Variants in SKA1 observed in about 807,000 individuals in gnomAD.
SKA1 encodes SKA complex subunit 1.
In SKA1, 20 loss-of-function variants were observed where a neutral mutation model predicts 31.8. The observed-to-expected ratio is 0.63, with a 90% CI of 0.44 to 0.91. SKA1 has a LOEUF of 0.91. Ranked by LOEUF, SKA1 falls within the 40% of genes least tolerant of loss-of-function variation. SKA1 has a pLI of 0.00. For synonymous variants in SKA1, 88 were observed against 100.5 expected (o/e 0.88, Z 0.74); for missense variants, 253 against 298.2 (o/e 0.85, Z 1.12).
rs2041375544 is a variant in SKA1, at chr18:50,393,314, AAAAAG to A, written c.*1072_*1076del. The A allele has an allele frequency of 1.3e-5, 2 of 152,422 alleles. No homozygotes were observed. The highest frequency in any genetic ancestry group is 1.3e-4 in the Admixed American group (2 of 15,294). 9.4% of individuals were successfully genotyped at this position (152,422 alleles called of 1,614,324 possible). The stretch of plus-strand genomic sequence containing the variant: ...AACAGAGCGAGACTCCATCTCAGAA[AAAAAG>A]AAAAAAAGACTGGGTACAGATGTGA... On this transcript the variant is annotated 3_prime_UTR_variant, in exon 7 of 7. Transcript: ENST00000285116.
At chr18:50,384,981 T>C (rs1460021339) in intron 4 of SKA1, among the ~76,000 whole-genome samples, 1 of 151,518 alleles carries the variant, frequency 6.6e-6, no homozygotes, top group Non-Finnish European at 1.5e-5. Context: ...GAAGATATCA[T>C]GTTACACGTA....
intron 2 of SKA1, 149 bp downstream of exon 2, chr18:50,376,067 T>C: frequency 1.8e-6 from 1 of 556,798 alleles, no homozygotes; most frequent in Non-Finnish European, 3.2e-6. Context: ...CAATGTCATT[T>C]TGAATATTGT....
rs1254600761 is a variant in SKA1, at chr18:50,382,227, G to GT, written c.311+2dup. ...CTCAAGTAACAGTAACCCAGAGCTGGTAAGTGTATTTATAATTATTCTTGC... is the reference window on the plus strand; with the variant it reads ...CTCAAGTAACAGTAACCCAGAGCTGGTTAAGTGTATTTATAATTATTCTTGC... On this transcript the variant is annotated splice_donor_variant, in intron 4 of 6. Coordinates refer to ENST00000285116, the MANE Select transcript of SKA1 (RefSeq NM_145060.4). LOFTEE classifies it high-confidence loss of function. 1 of 1,473,030 alleles carries GT rather than the reference G, an allele frequency of 6.8e-7. No individual in the cohort carries two copies. The highest frequency in any genetic ancestry group is 9.1e-7 in the Non-Finnish European group (1 of 1,104,392). 91.2% of individuals were successfully genotyped at this position (1,473,030 alleles called of 1,614,324 possible). A position where few individuals can be genotyped will look rare whatever the true frequency, so the allele number is the denominator to read the frequency against.
Position 50,392,602 on chromosome 18 carries a change from C to G in SKA1, c.*355C>G, listed in dbSNP as rs1451816477. On this transcript the variant is annotated 3_prime_UTR_variant, in exon 7 of 7. Coordinates refer to ENST00000285116, the MANE Select transcript of SKA1 (RefSeq NM_145060.4). ...TAGGCTGGTCTTGAGCTCCTGAGCTCAAACAATCCACCCTCCTCAGCCTCC... is the reference window on the plus strand; with the variant it reads ...TAGGCTGGTCTTGAGCTCCTGAGCTGAAACAATCCACCCTCCTCAGCCTCC... 1 of 159,172 alleles carries G rather than the reference C, an allele frequency of 6.3e-6. No homozygotes were observed. Among genetic ancestry groups the G allele is most frequent in the African/African-American group, 2.4e-5 (1 of 41,692 alleles). The allele number at this position is 159,172 out of a possible 1,614,324, so 9.9% of individuals were successfully genotyped here. A position where few individuals can be genotyped will look rare whatever the true frequency, so the allele number is the denominator to read the frequency against.
At position 50,390,811 on chromosome 18, in the gene SKA1, TTAAA is replaced by T. The variant is rs534579360; in HGVS notation, c.450-308_450-305del. 4.0e-3 allele frequency among the ~76,000 whole-genome samples: 615 copies of T among 152,366 alleles called. 7 individuals carry two copies. The highest frequency in any genetic ancestry group is 0.013 in the African/African-American group (526 of 41,586). ...TTCCTTTGCTCACATTTAAAACTGTTTAAATAAACTGATATGTTGCAGTTAATCA... is the reference window on the plus strand; with the variant it reads ...TTCCTTTGCTCACATTTAAAACTGTTTAAACTGATATGTTGCAGTTAATCA... On this transcript the variant is annotated intron_variant, in intron 5 of 6. Transcript: ENST00000285116.
Position 50,393,828 on chromosome 18 carries a change from CTG to C in SKA1, c.*1582_*1583del. The stretch of plus-strand genomic sequence containing the variant: ...TAATGAGGTCACTCTTGATGGGCAC[CTG>C]GATAACTCAGGATGGGGGCTGCTCA... On this transcript the variant is annotated 3_prime_UTR_variant, in exon 7 of 7. Transcript: ENST00000285116. 1 of 152,216 alleles carries C rather than the reference CTG, an allele frequency of 6.6e-6. No individual in the cohort carries two copies. Among genetic ancestry groups the C allele is most frequent in the South Asian group, 2.1e-4 (1 of 4,822 alleles). 9.4% of individuals were successfully genotyped at this position (152,216 alleles called of 1,614,324 possible).
At chr18:50,380,037 C>T in intron 2 of SKA1, 89 bp from the exon 3 acceptor site, 1 of 1,120,148 alleles carries the variant, frequency 8.9e-7, no homozygotes, top group African/African-American at 1.7e-5. Flanking sequence ...CTCTAAGGTA[C>T]AGCTATCTAT....
chr18:50,392,251 C>T lies in SKA1; in HGVS notation c.*4C>T, dbSNP rs768977541. 2.6e-6 allele frequency: 4 copies of T among 1,542,718 alleles called. No homozygotes were observed. The highest frequency in any genetic ancestry group is 2.5e-5 in the South Asian group (2 of 78,490). On this transcript the variant is annotated 3_prime_UTR_variant, in exon 7 of 7. Transcript: ENST00000285116. Reference sequence around the variant, plus strand: ...TACTCGTTATGTTATAACCTGAGTCCCTTGTGAACTTTTGAACATACCAAC... The same window carrying T: ...TACTCGTTATGTTATAACCTGAGTCTCTTGTGAACTTTTGAACATACCAAC...
At chr18:50,389,692 A>G (rs1479843206) in intron 5 of SKA1, among the ~76,000 whole-genome samples, 1 of 152,062 alleles carries the variant, frequency 6.6e-6, no homozygotes, top group Non-Finnish European at 1.5e-5. Context: ...CCACCACACT[A>G]GCAGTCATTT....
intron 5 of SKA1, among the ~76,000 whole-genome samples, chr18:50,389,977 C>T (rs2041343884): frequency 1.3e-5 from 2 of 152,184 alleles, no homozygotes; most frequent in Middle Eastern, 3.4e-3. Context: ...TCATGTTTTC[C>T]AAGCATAGAG....
intron 1 of SKA1, 167 bp downstream of exon 1, chr18:50,375,361 T>G (rs2041205713): frequency 6.6e-6 from 1 of 152,640 alleles, no homozygotes; most frequent in African/African-American, 2.4e-5. Flanking sequence ...GGTGGGAAAC[T>G]GGTTCTTTCC....
intron 5 of SKA1, among the ~76,000 whole-genome samples, chr18:50,388,367 G>A (rs2041327868): frequency 1.3e-5 from 2 of 152,214 alleles, no homozygotes; most frequent in Admixed American, 6.5e-5. Context: ...TGGGATTACA[G>A]GCATGAGCCA....
intron 3 of SKA1, among the ~76,000 whole-genome samples, chr18:50,380,601 G>A (rs2041255215): frequency 6.6e-6 from 1 of 152,152 alleles, no homozygotes; most frequent in Non-Finnish European, 1.5e-5. Context: ...GGTACTCTCT[G>A]CCACCCTGAG....
rs1568328805 is a variant in SKA1, at chr18:50,381,722, G to GTTTTTTTTTTTTT, written c.214-407_214-406insTTTTTTTTTTTTT. On this transcript the variant is annotated intron_variant, in intron 3 of 6. Coordinates refer to ENST00000285116, the MANE Select transcript of SKA1 (RefSeq NM_145060.4). ...GCATTTTCGGTACTCCAGTCAATGT[G>GTTTTTTTTTTTTT]GTTTTTTTTTTTTTTTTTTTTTGAG... 1.6e-5 allele frequency among the ~76,000 whole-genome samples: 2 copies of GTTTTTTTTTTTTT among 125,884 alleles called. 1 individual carries two copies. Among genetic ancestry groups the GTTTTTTTTTTTTT allele is most frequent in the African/African-American group, 6.1e-5 (2 of 32,766 alleles). 82.6% of individuals were successfully genotyped at this position (125,884 alleles called of 152,430 possible).
chr18:50,379,738 A>AC (rs1402177248), intron 2 of SKA1, among the ~76,000 whole-genome samples: 1 of 151,028 alleles, frequency 6.6e-6, no homozygotes, highest in Non-Finnish European at 1.5e-5. Context: ...CAGCTCACAC[A>AC]CCCTGCCTGG....
At chr18:50,383,664 TA>T (rs747047350) in intron 4 of SKA1, among the ~76,000 whole-genome samples, 1 of 152,180 alleles carries the variant, frequency 6.6e-6, no homozygotes, top group African/African-American at 2.4e-5. Context: ...ATCAGGGGAA[TA>T]GGAGGAATTT....
At chr18:50,384,871 T>TAAAAAAAAAAAAAAAAAAAAG (rs10608403) in intron 4 of SKA1, among the ~76,000 whole-genome samples, 24 of 82,594 alleles carry the variant, frequency 2.9e-4, no homozygotes, top group South Asian at 8.3e-4. Flanking sequence ...AAAAAAAAAT[T>TAAAAAAAAAAAAAAAAAAAAG]AAAAAAAAAA....
In SKA1 at chr18:50,375,849, G is replaced by C; in HGVS notation, c.19G>C (p.Glu7Gln). 1 of 1,609,418 alleles carries C rather than the reference G, an allele frequency of 6.2e-7. No homozygotes were observed. Among genetic ancestry groups the C allele is most frequent in the Non-Finnish European group, 8.5e-7 (1 of 1,178,130 alleles). Residue 7 changes from glutamate (E) to glutamine (Q), a missense_variant, in exon 2 of 7, where the codon GAA becomes CAA. Coordinates refer to ENST00000285116, the MANE Select transcript of SKA1 (RefSeq NM_145060.4). ...TTAAAGGATGGCCTCGTCAGATCTG[G>C]AACAATTATGCTCTCATGTTAATGA... MASSDL[E>Q]QLCSHVNEKI...
intron 6 of SKA1, 37 bp downstream of exon 6, chr18:50,391,330 G>C: frequency 7.0e-7 from 1 of 1,434,132 alleles, no homozygotes; most frequent in Non-Finnish European, 9.2e-7. Flanking sequence ...CATGTGAACT[G>C]TTCAGAGTAT....
Sources: gnomAD v4.1 joint callset for allele counts (sites outside exome capture counted in the v4.1 genomes callset) on GRCh38, gnomAD v4.1.1 for gene constraint, MANE v1.5 for transcripts, NCBI Gene and HGNC (gene_info 2026-07-23, HGNC 2026-07-21) for gene names.